HS3ST4: variants seen among roughly 807,000 people sequenced by gnomAD.
HS3ST4 encodes heparan sulfate-glucosamine 3-sulfotransferase 4, also known as heparan sulfate glucosamine 3-O-sulfotransferase 4.
HS3ST4 carries 17 observed loss-of-function variants against 29.2 expected under a neutral mutation model. That is an observed-to-expected ratio of 0.58 (90% CI 0.40 to 0.87). HS3ST4 has a LOEUF of 0.87. Among genes scored for constraint, HS3ST4 ranks in the 40% least tolerant of loss-of-function variants. The probability of loss-of-function intolerance (pLI) is 0.00; values close to 1 mark genes in which losing one functional copy is unlikely to be tolerated. For synonymous variants in HS3ST4, 314 were observed against 285.7 expected (o/e 1.10, Z -1.00); for missense variants, 627 against 634.5 (o/e 0.99, Z 0.13).
rs191489838 is a variant in HS3ST4 at position 25,778,150 on chromosome 16, A to T, written c.734+84999A>T. Among the ~76,000 whole-genome samples, 1,109 of 151,976 alleles carry T rather than the reference A, an allele frequency of 7.3e-3. 4 individuals are homozygous for T. The highest frequency in any genetic ancestry group is 0.027 in the Middle Eastern group (8 of 292). ...CATACATACTAAAATATATATATATATTTTTTCTACAAAATCTGGATAATA... is the reference window on the plus strand; with the variant it reads ...CATACATACTAAAATATATATATATTTTTTTTCTACAAAATCTGGATAATA... On this transcript the variant is annotated intron_variant, in intron 1 of 1. Coordinates refer to ENST00000331351, the MANE Select transcript of HS3ST4 (RefSeq NM_006040.3).
At chr16:26,036,545 A>G (rs1312482387) in intron 1 of HS3ST4, among the ~76,000 whole-genome samples, 1 of 152,122 alleles carries the variant, frequency 6.6e-6, no homozygotes, top group Admixed American at 6.5e-5. Flanking sequence ...TTGAAGTTCA[A>G]CTTTACCTTA....
intron 1 of HS3ST4, among the ~76,000 whole-genome samples, chr16:25,928,732 C>T (rs888451781): frequency 1.3e-5 from 2 of 152,180 alleles, no homozygotes; most frequent in Non-Finnish European, 2.9e-5. Context: ...CCTGAACCCT[C>T]TCCATGGGCT....
intron 1 of HS3ST4, among the ~76,000 whole-genome samples, chr16:26,122,005 A>G (rs1567317271): frequency 6.6e-6 from 1 of 152,188 alleles, no homozygotes; most frequent in African/African-American, 2.4e-5. Context: ...TTGCAATCAC[A>G]AAAGAGAAAA....
intron 1 of HS3ST4, among the ~76,000 whole-genome samples, chr16:25,911,496 G>GTTTTTTTT (rs542274531): frequency 9.8e-5 from 8 of 82,014 alleles, no homozygotes; most frequent in African/African-American, 3.8e-4. Context: ...CCGTTGTGTG[G>GTTTTTTTT]TTTTTTTTTT....
chr16:25,912,044 C>T (rs1395250435), intron 1 of HS3ST4, among the ~76,000 whole-genome samples: 3 of 152,104 alleles, frequency 2.0e-5, no homozygotes, highest in Non-Finnish European at 1.5e-5. Context: ...GCTAAGAGAC[C>T]TGCTGATTTA....
At chr16:25,833,725 C>A (rs1467695352) in intron 1 of HS3ST4, among the ~76,000 whole-genome samples, 1 of 152,140 alleles carries the variant, frequency 6.6e-6, no homozygotes, top group East Asian at 1.9e-4. Context: ...GAGACTCAGT[C>A]TGCATGAGCT....
rs200724689 is a variant in HS3ST4, at chr16:25,781,974, G to A, written c.734+88823G>A. ...TGTTTTCATACTGCTAAAAAGAACT[G>A]CCCAAGACTGGGTAATTTATAAAGG... On this transcript the variant is annotated intron_variant, in intron 1 of 1. Transcript: ENST00000331351. 1.4e-4 allele frequency among the ~76,000 whole-genome samples: 21 copies of A among 152,150 alleles called. No homozygotes were observed. In the East Asian group the frequency reaches 4.1e-3, roughly 29 times the overall value.
intron 1 of HS3ST4, among the ~76,000 whole-genome samples, chr16:26,029,544 C>T (rs1596655670): frequency 1.3e-5 from 2 of 152,098 alleles, no homozygotes; most frequent in Middle Eastern, 3.2e-3. Flanking sequence ...TCCTGAGTAG[C>T]TGGGGTTACA....
intron 1 of HS3ST4, among the ~76,000 whole-genome samples, chr16:26,121,322 G>C (rs6497927): frequency 1.3e-5 from 2 of 151,984 alleles, no homozygotes; most frequent in African/African-American, 4.8e-5. Context: ...AGATTCCATC[G>C]GGAGAATATG....
chr16:25,724,863 T>G (rs190403736), intron 1 of HS3ST4, among the ~76,000 whole-genome samples: 73 of 152,194 alleles, frequency 4.8e-4, no homozygotes, highest in African/African-American at 1.6e-3. Flanking sequence ...TTTAGAAAGA[T>G]ATTTGGTGGC....
chr16:25,780,521 A>G (rs1379578188), intron 1 of HS3ST4, among the ~76,000 whole-genome samples: 1 of 152,182 alleles, frequency 6.6e-6, no homozygotes, highest in Non-Finnish European at 1.5e-5. Flanking sequence ...TATTATTTTT[A>G]TTATTTAAGC....
intron 1 of HS3ST4, among the ~76,000 whole-genome samples, chr16:25,911,495 GGTTTTTTTTTTTT>G (rs1171449278): frequency 3.0e-5 from 4 of 131,266 alleles, no homozygotes; most frequent in African/African-American, 1.1e-4. Context: ...TCCGTTGTGT[GGTTTTTTTTTTTT>G]TTTTTTTTTT....
chr16:25,848,104 G>A (rs992263613), intron 1 of HS3ST4, among the ~76,000 whole-genome samples: 1 of 152,120 alleles, frequency 6.6e-6, no homozygotes, highest in Non-Finnish European at 1.5e-5. Flanking sequence ...AACTATATGG[G>A]TCTGGTGATT....
intron 1 of HS3ST4, among the ~76,000 whole-genome samples, chr16:26,002,880 T>C (rs763888671): frequency 5.3e-5 from 8 of 151,690 alleles, no homozygotes; most frequent in Non-Finnish European, 1.0e-4. Context: ...TATTTGATAT[T>C]TGTCATCCTC....
intron 1 of HS3ST4, among the ~76,000 whole-genome samples, chr16:26,034,549 C>T (rs1294857111): frequency 6.6e-6 from 1 of 152,096 alleles, no homozygotes; most frequent in African/African-American, 2.4e-5. Context: ...CCCCATTCTA[C>T]ATGGCTTCCA....
At chr16:25,791,403 C>A (rs937470174) in intron 1 of HS3ST4, among the ~76,000 whole-genome samples, 1 of 151,966 alleles carries the variant, frequency 6.6e-6, no homozygotes, top group Non-Finnish European at 1.5e-5. Flanking sequence ...ATTTTAGAAT[C>A]GTCTTGTTAA....
chr16:26,027,563 G>A (rs191176576), intron 1 of HS3ST4, among the ~76,000 whole-genome samples: 11 of 152,254 alleles, frequency 7.2e-5, no homozygotes, highest in African/African-American at 2.4e-4. Context: ...TATGGATCTG[G>A]CACAGTGTTT....
At chr16:26,101,341 C>G (rs531166610) in intron 1 of HS3ST4, among the ~76,000 whole-genome samples, 2 of 152,358 alleles carry the variant, frequency 1.3e-5, no homozygotes, top group East Asian at 3.9e-4. Flanking sequence ...TCTCTGTCAT[C>G]TCCATGTCTA....
chr16:25,897,292 A>C (rs1968076416), intron 1 of HS3ST4, among the ~76,000 whole-genome samples: 1 of 152,036 alleles, frequency 6.6e-6, no homozygotes, highest in Non-Finnish European at 1.5e-5. Flanking sequence ...CATCTCCACA[A>C]AAAATACACA....
Sources: gnomAD v4.1 joint callset for allele counts (sites outside exome capture counted in the v4.1 genomes callset) on GRCh38, gnomAD v4.1.1 for gene constraint, MANE v1.5 for transcripts, NCBI Gene and HGNC (gene_info 2026-07-23, HGNC 2026-07-21) for gene names.